CDH18: variants seen among roughly 807,000 people sequenced by gnomAD.
CDH18 encodes the protein cadherin-18.
In CDH18, 31 loss-of-function variants were observed where a neutral mutation model predicts 67.9. The ratio of observed to expected loss-of-function variants is 0.46; its 90% CI spans 0.34 to 0.62. The LOEUF (loss-of-function observed/expected upper bound fraction) is 0.62, where lower values mean the gene tolerates loss of function less well. Among genes scored for constraint, CDH18 ranks in the 20% least tolerant of loss-of-function variants. CDH18 has a pLI of 0.01. For missense variants in CDH18, 890 were observed against 975.5 expected (o/e 0.91, Z 1.17); for synonymous variants, 362 against 347.2 (o/e 1.04, Z -0.48).
In CDH18 at chr5:19,671,595, C is replaced by T. The variant is rs190287772; in HGVS notation, c.643+49752G>A. On this transcript the variant is annotated intron_variant, in intron 5 of 12. Coordinates refer to ENST00000382275, the MANE Select transcript of CDH18 (RefSeq NM_004934.5). ...TTGTATTCTTAGTATTAGGTTACAT[C>T]ATTTTGACATGGGAATTTGTCAAAT... Among the ~76,000 whole-genome samples the T allele has an allele frequency of 6.0e-3, 915 of 152,132 alleles. 2 individuals carry two copies. Among genetic ancestry groups the T allele is most frequent in the Middle Eastern group, 0.024 (7 of 294 alleles).
At chr5:19,592,871 T>A (rs1745394870) in intron 6 of CDH18, among the ~76,000 whole-genome samples, 1 of 152,018 alleles carries the variant, frequency 6.6e-6, no homozygotes, top group Admixed American at 6.6e-5. Context: ...TCTTTGATTG[T>A]ATGAATTTTA....
intron 2 of CDH18, among the ~76,000 whole-genome samples, chr5:20,179,849 T>A (rs998826913): frequency 6.6e-6 from 1 of 152,072 alleles, no homozygotes; most frequent in African/African-American, 2.4e-5. Flanking sequence ...TCTCTTTGAT[T>A]GAGCACCAAT....
chr5:20,272,398 CTGAT>C (rs1325376169), intron 1 of CDH18, among the ~76,000 whole-genome samples: 1 of 151,838 alleles, frequency 6.6e-6, no homozygotes, highest in Non-Finnish European at 1.5e-5. Context: ...GTTTCAAAGA[CTGAT>C]TGGGAGGGAA....
rs533549222 is a variant in CDH18 at position 20,251,644 on chromosome 5, G to T, written c.-518+3800C>A. Among the ~76,000 whole-genome samples the T allele has an allele frequency of 1.0e-3, 156 of 152,290 alleles. 1 individual carries two copies. Among genetic ancestry groups the T allele is most frequent in the African/African-American group, 3.6e-3 (150 of 41,568 alleles). ...GCATTGAAGAAACATGCAGTGGTGG[G>T]GGATGAGGCAGGAGGGAGCTACAGT... On this transcript the variant is annotated intron_variant, in intron 2 of 14. Transcript: ENST00000507958.
At chr5:20,241,859 A>T (rs1312021464) in intron 2 of CDH18, among the ~76,000 whole-genome samples, 1 of 70,886 alleles carries the variant, frequency 1.4e-5, no homozygotes, top group Non-Finnish European at 2.6e-5. Flanking sequence ...CGCAAAAAAA[A>T]AAAAAATAAA....
intron 6 of CDH18, among the ~76,000 whole-genome samples, chr5:19,603,018 C>T (rs1450175491): frequency 2.0e-5 from 3 of 152,040 alleles, no homozygotes; most frequent in East Asian, 3.9e-4. Context: ...CTAGCAATTC[C>T]GCTTCTGGAT....
At chr5:19,828,099 A>C (rs1212833087) in intron 3 of CDH18, among the ~76,000 whole-genome samples, 1 of 152,158 alleles carries the variant, frequency 6.6e-6, no homozygotes, top group Non-Finnish European at 1.5e-5. Context: ...AAACACCTCT[A>C]TGCACACAAA....
chr5:19,980,249 G>C (rs1159693894), intron 2 of CDH18, among the ~76,000 whole-genome samples: 2 of 151,924 alleles, frequency 1.3e-5, no homozygotes, highest in African/African-American at 4.8e-5. Flanking sequence ...CTTAACCAAG[G>C]AGGTGAAAGA....
intron 1 of CDH18, among the ~76,000 whole-genome samples, chr5:20,390,294 A>G (rs567230482): frequency 9.4e-4 from 143 of 152,332 alleles, no homozygotes; most frequent in African/African-American, 3.2e-3. Context: ...ATTTACAAGA[A>G]AAAAACAAAC....
At chr5:20,111,572 G>A (rs1157749836) in intron 2 of CDH18, among the ~76,000 whole-genome samples, 1 of 101,156 alleles carries the variant, frequency 9.9e-6, no homozygotes, top group Non-Finnish European at 1.8e-5. Context: ...TTTTTTTCCA[G>A]AGCCTTGCTC....
At chr5:19,478,432 A>T (rs431537) in intron 12 of CDH18, 45,762 of 151,988 alleles carry the variant, frequency 0.3, 6,996 homozygotes, top group South Asian at 0.33. Context: ...TCTCTCTCTG[A>T]AACCTTAGAT....
chr5:20,230,682 T>G (rs1186815841), intron 2 of CDH18, among the ~76,000 whole-genome samples: 2 of 152,172 alleles, frequency 1.3e-5, no homozygotes, highest in Non-Finnish European at 2.9e-5. Flanking sequence ...GGGGATATTA[T>G]GTTTTAACTA....
intron 2 of CDH18, among the ~76,000 whole-genome samples, chr5:20,095,600 A>AAAGAAAGAAAGAAAG (rs1745922842): frequency 1.4e-5 from 2 of 140,840 alleles, no homozygotes; most frequent in Non-Finnish European, 3.1e-5. Context: ...AAGAAAGAAG[A>AAAGAAAGAAAGAAAG]AAGAAAGAAA....
chr5:20,469,983 C>G (rs1751934170), intron 1 of CDH18, among the ~76,000 whole-genome samples: 1 of 152,120 alleles, frequency 6.6e-6, no homozygotes, highest in South Asian at 2.1e-4. Context: ...GTCTGATAGT[C>G]ATAACCTAGA....
intron 1 of CDH18, among the ~76,000 whole-genome samples, chr5:20,392,840 T>G (rs1275181741): frequency 6.6e-6 from 1 of 151,920 alleles, no homozygotes; most frequent in African/African-American, 2.4e-5. Context: ...GTTCAGCACT[T>G]TTTTTATTTC....
At chr5:20,153,111 T>G (rs569298212) in intron 2 of CDH18, among the ~76,000 whole-genome samples, 180 of 151,872 alleles carry the variant, frequency 1.2e-3, no homozygotes, top group African/African-American at 4.0e-3. Context: ...TCCAGCTAAT[T>G]TTTGGTATTT....
chr5:19,904,554 CTTTA>C (rs992209210), intron 2 of CDH18, among the ~76,000 whole-genome samples: 1 of 152,090 alleles, frequency 6.6e-6, no homozygotes, highest in African/African-American at 2.4e-5. Flanking sequence ...TCACACATCT[CTTTA>C]TACGTAAGTT....
chr5:20,250,454 A>T (rs1307771928), intron 2 of CDH18, among the ~76,000 whole-genome samples: 1 of 151,430 alleles, frequency 6.6e-6, no homozygotes, highest in African/African-American at 2.4e-5. Flanking sequence ...CACCACGCCC[A>T]GTTAATTTTT....
chr5:19,679,182 A>G (rs1759908882), intron 5 of CDH18, among the ~76,000 whole-genome samples: 3 of 152,104 alleles, frequency 2.0e-5, no homozygotes, highest in African/African-American at 7.2e-5. Context: ...CATCACATAA[A>G]CAGAACTAAA....
Sources: gnomAD v4.1 joint callset for allele counts (sites outside exome capture counted in the v4.1 genomes callset) on GRCh38, gnomAD v4.1.1 for gene constraint, MANE v1.5 for transcripts, NCBI Gene and HGNC (gene_info 2026-07-23, HGNC 2026-07-21) for gene names.